Variants in HECA observed in about 807,000 individuals in gnomAD.
HECA encodes the protein headcase protein homolog.
HECA carries 13 observed loss-of-function variants against 37.6 expected under a neutral mutation model. That is an observed-to-expected ratio of 0.35 (90% CI 0.23 to 0.55). The LOEUF (loss-of-function observed/expected upper bound fraction) is 0.55. Ranked by LOEUF, HECA falls within the 20% of genes least tolerant of loss-of-function variation. The pLI, the probability that HECA is intolerant of heterozygous loss-of-function variation, is 0.90. For missense variants in HECA, 527 were observed against 701.9 expected (o/e 0.75, Z 2.82); for synonymous variants, 307 against 291.5 (o/e 1.05, Z -0.54).
chr6:139,142,892 G>A (rs898182992), intron 1 of HECA, among the ~76,000 whole-genome samples: 1 of 152,322 alleles, frequency 6.6e-6, no homozygotes, highest in Admixed American at 6.5e-5. Flanking sequence ...AGGTTGCAGT[G>A]AGCTGAGATC....
chr6:139,145,773 T>G (rs993250177), intron 1 of HECA, among the ~76,000 whole-genome samples: 1 of 152,100 alleles, frequency 6.6e-6, no homozygotes, highest in African/African-American at 2.4e-5. Flanking sequence ...AAGGACTTTT[T>G]GGAAAGATAA....
Position 139,162,588 on chromosome 6 carries a change from G to A in HECA, c.272-3696G>A, listed in dbSNP as rs551617746. Among the ~76,000 whole-genome samples the A allele has an allele frequency of 2.6e-5, 4 of 152,284 alleles. No homozygotes were observed. In the South Asian group the frequency reaches 8.3e-4, roughly 32 times the overall value. ...CAAATGAAGATTAAGGGGAAACCAC[G>A]GTGATCAAATATTAATACATAGAGG... is the stretch of plus-strand genomic sequence containing the variant. On this transcript the variant is annotated intron_variant, in intron 1 of 3. Coordinates refer to ENST00000367658, the MANE Select transcript of HECA (RefSeq NM_016217.3).
At chr6:139,145,319 ACTT>A (rs1463165402) in intron 1 of HECA, among the ~76,000 whole-genome samples, 9 of 152,240 alleles carry the variant, frequency 5.9e-5, no homozygotes, top group African/African-American at 2.2e-4. Flanking sequence ...CATTTCTAAT[ACTT>A]TAAAATGTTA....
intron 1 of HECA, among the ~76,000 whole-genome samples, chr6:139,142,913 A>G (rs1774533802): frequency 6.6e-6 from 1 of 152,194 alleles, no homozygotes; most frequent in African/African-American, 2.4e-5. Context: ...GCGCCATTGC[A>G]CTCCAGCCTG....
Position 139,176,284 on chromosome 6 carries a change from C to G in HECA, c.1468-657C>G, listed in dbSNP as rs1775051302. Among the ~76,000 whole-genome samples, 1 of 152,168 alleles carries G rather than the reference C, an allele frequency of 6.6e-6. No individual in the cohort carries two copies. On this transcript the variant is annotated intron_variant, in intron 3 of 3. Coordinates refer to ENST00000367658, the MANE Select transcript of HECA (RefSeq NM_016217.3). This position sits in a 1 kb window ranked among gnomAD's most constrained non-coding sequence, Gnocchi z 4.5. Reference sequence around the variant, plus strand: ...AAAAGTCAGCTAATACTACCTACCTCCCAGGAGTATTTTGAGAACAAGTTG... The same window carrying G: ...AAAAGTCAGCTAATACTACCTACCTGCCAGGAGTATTTTGAGAACAAGTTG...
intron 1 of HECA, among the ~76,000 whole-genome samples, chr6:139,157,079 A>G (rs184987285): frequency 3.3e-5 from 5 of 152,340 alleles, no homozygotes; most frequent in Non-Finnish European, 5.9e-5. Context: ...CTTTATGGTT[A>G]TTTCTTGATG....
Position 139,166,520 on chromosome 6 carries a change from G to A in HECA, c.508G>A (p.Asp170Asn). 6.2e-7 allele frequency: 1 copy of A among 1,614,230 alleles called. No individual in the cohort carries two copies. The highest frequency in any genetic ancestry group is 2.2e-5 in the East Asian group (1 of 44,884). Reference protein sequence around the residue: ...RQNMWTKKGYDLAFRFCSCRC... With the variant: ...RQNMWTKKGYNLAFRFCSCRC... The stretch of plus-strand genomic sequence containing the variant: ...GAACATGTGGACAAAGAAGGGCTAC[G>A]ACCTGGCCTTCCGCTTCTGCTCTTG... The change falls in exon 2 of 4, where the codon GAC becomes AAC. Residue 170 changes from aspartate (D) to asparagine (N), a missense_variant. By Grantham distance (23) the Asp-to-Asn change is conservative. This residue lies in a region of HECA where 21 missense variants were observed against 51.2 expected (regional missense o/e 0.41). Coordinates refer to ENST00000367658, the MANE Select transcript of HECA (RefSeq NM_016217.3).
At chr6:139,149,934 A>G (rs1013425830) in intron 1 of HECA, among the ~76,000 whole-genome samples, 3 of 152,210 alleles carry the variant, frequency 2.0e-5, no homozygotes, top group African/African-American at 7.2e-5. Flanking sequence ...AGCAGAGTCC[A>G]CTTAGATTTT....
intron 1 of HECA, among the ~76,000 whole-genome samples, chr6:139,138,361 A>G (rs1742369929): frequency 6.6e-6 from 1 of 152,252 alleles, no homozygotes; most frequent in South Asian, 2.1e-4. Flanking sequence ...TTGTAATTAC[A>G]GAAATTACAA....
At chr6:139,139,760 C>G (rs566998535) in intron 1 of HECA, among the ~76,000 whole-genome samples, 7 of 152,350 alleles carry the variant, frequency 4.6e-5, no homozygotes, top group African/African-American at 1.7e-4. Context: ...AGGAAGAGAG[C>G]ATGACCTTGA....
At chr6:139,169,580 T>G (rs1260110461) in intron 2 of HECA, 5 of 152,180 alleles carry the variant, frequency 3.3e-5, no homozygotes, top group Non-Finnish European at 7.3e-5. Context: ...ATTCCAAAAC[T>G]TAGTGGTTTA....
chr6:139,160,757 A>G (rs1774787982), intron 1 of HECA, among the ~76,000 whole-genome samples: 1 of 152,238 alleles, frequency 6.6e-6, no homozygotes, highest in Admixed American at 6.5e-5. Flanking sequence ...TGTTCAAAAC[A>G]TTGGAAAAAG....
chr6:139,161,014 C>T (rs1042702463), intron 1 of HECA, among the ~76,000 whole-genome samples: 1 of 152,228 alleles, frequency 6.6e-6, no homozygotes, highest in Admixed American at 6.5e-5. Context: ...TTCCCTGCTG[C>T]TTTTCCAGTT....
intron 2 of HECA, among the ~76,000 whole-genome samples, chr6:139,171,809 CTTGTTG>C (rs560943424): frequency 4.0e-5 from 6 of 151,158 alleles, no homozygotes; most frequent in African/African-American, 1.2e-4. Context: ...TTTGTTTAAA[CTTGTTG>C]TTGTTGTTGT....
intron 1 of HECA, among the ~76,000 whole-genome samples, chr6:139,145,062 A>G (rs749821475): frequency 8.5e-5 from 13 of 152,168 alleles, no homozygotes; most frequent in Non-Finnish European, 1.6e-4. Context: ...CTCTGTGCCA[A>G]GTTGTACTAA....
chr6:139,155,932 C>A (rs191368112), intron 1 of HECA, among the ~76,000 whole-genome samples: 91 of 152,212 alleles, frequency 6.0e-4, no homozygotes, highest in Non-Finnish European at 8.8e-4. Flanking sequence ...ATGTGTGAAG[C>A]CATTTCATAT....
At chr6:139,160,326 T>A (rs1383951827) in intron 1 of HECA, among the ~76,000 whole-genome samples, 1 of 152,256 alleles carries the variant, frequency 6.6e-6, no homozygotes, top group Non-Finnish European at 1.5e-5. Context: ...TTTAGATTAA[T>A]GCGCCAAGGG....
chr6:139,136,005 A>G (rs927408995), intron 1 of HECA, among the ~76,000 whole-genome samples: 1 of 151,948 alleles, frequency 6.6e-6, no homozygotes, highest in Non-Finnish European at 1.5e-5. Flanking sequence ...GGAAGGGAGG[A>G]AAGAGCCGCC....
intron 1 of HECA, among the ~76,000 whole-genome samples, chr6:139,165,259 C>G (rs1001601869): frequency 4.6e-5 from 7 of 152,088 alleles, no homozygotes; most frequent in African/African-American, 1.7e-4. Context: ...TTTAAAAAAA[C>G]AGATTTTATT....
Sources: allele counts gnomAD v4.1 joint callset (sites outside exome capture counted in the v4.1 genomes callset), GRCh38; gene constraint gnomAD v4.1.1; regional missense constraint gnomAD v4.1.1; non-coding constraint Gnocchi (gnomAD v3.1); transcripts MANE v1.5; gene names NCBI Gene and HGNC (gene_info 2026-07-23, HGNC 2026-07-21).